SNTG1: variants seen among roughly 807,000 people sequenced by gnomAD.
The protein encoded by SNTG1 is gamma-1-syntrophin.
In SNTG1, 39 loss-of-function variants were observed where a neutral mutation model predicts 74.7. That is an observed-to-expected ratio of 0.52 (90% CI 0.40 to 0.68). The LOEUF (loss-of-function observed/expected upper bound fraction) is 0.68. Ranked by LOEUF, SNTG1 falls within the 30% of genes least tolerant of loss-of-function variation. The pLI, the probability that SNTG1 is intolerant of heterozygous loss-of-function variation, is 0.00. For synonymous variants in SNTG1, 254 were observed against 217.1 expected, an observed-to-expected ratio of 1.17 and a Z score of -1.49; for missense variants, 685 against 609.5, an observed-to-expected ratio of 1.12 and a Z score of -1.30.
At chr8:50,544,774 C>T (rs1202745882) in intron 11 of SNTG1, among the ~76,000 whole-genome samples, 1 of 152,030 alleles carries the variant, frequency 6.6e-6, no homozygotes, top group Non-Finnish European at 1.5e-5. Context: ...ATTGTTTACT[C>T]ATTCACTCAA....
chr8:50,464,195 C>A (rs1456859676), intron 8 of SNTG1, among the ~76,000 whole-genome samples: 1 of 152,166 alleles, frequency 6.6e-6, no homozygotes, highest in Non-Finnish European at 1.5e-5. Flanking sequence ...CAGCAATAAG[C>A]TTGTCTCACT....
chr8:50,017,707 T>C (rs1816458603), intron 1 of SNTG1, among the ~76,000 whole-genome samples: 1 of 151,914 alleles, frequency 6.6e-6, no homozygotes, highest in South Asian at 2.1e-4. Context: ...AAATGGAAGA[T>C]ATATGATTAT....
chr8:50,137,926 G>T (rs896960390), intron 1 of SNTG1, among the ~76,000 whole-genome samples: 2 of 152,146 alleles, frequency 1.3e-5, no homozygotes, highest in Admixed American at 6.6e-5. Context: ...TAGCATGTCA[G>T]CCATGCCTCA....
At chr8:50,596,989 T>C (rs971283899) in intron 13 of SNTG1, among the ~76,000 whole-genome samples, 38 of 152,068 alleles carry the variant, frequency 2.5e-4, no homozygotes, top group Middle Eastern at 3.4e-3. Context: ...TACCCTACTG[T>C]GTAATAGAAC....
intron 15 of SNTG1, among the ~76,000 whole-genome samples, chr8:50,672,532 GTTTGT>G (rs981202849): frequency 1.1e-3 from 19 of 17,408 alleles, no homozygotes; most frequent in East Asian, 0.2. Context: ...TGATGGGGTT[GTTTGT>G]TTTTTTTCTT....
intron 2 of SNTG1, among the ~76,000 whole-genome samples, chr8:50,278,863 G>C (rs575523784): frequency 6.6e-6 from 1 of 152,012 alleles, no homozygotes; most frequent in Admixed American, 6.6e-5. Flanking sequence ...GTCTAAGAGA[G>C]CAGTTTACAG....
chr8:49,939,277 A>G (rs1214934183), intron 1 of SNTG1, among the ~76,000 whole-genome samples: 1 of 152,216 alleles, frequency 6.6e-6, no homozygotes, highest in Non-Finnish European at 1.5e-5. Context: ...TTGTATCTGT[A>G]TTACTACTAG....
At chr8:50,030,632 C>T (rs561968846) in intron 1 of SNTG1, among the ~76,000 whole-genome samples, 13 of 152,040 alleles carry the variant, frequency 8.6e-5, no homozygotes, top group Admixed American at 6.5e-4. Context: ...TGTTTTTCCT[C>T]TCTTGCTAGG....
At chr8:50,624,718 A>G (rs1229442554) in intron 13 of SNTG1, among the ~76,000 whole-genome samples, 2 of 152,158 alleles carry the variant, frequency 1.3e-5, no homozygotes, top group Non-Finnish European at 2.9e-5. Flanking sequence ...AGTTTACAGT[A>G]CTTAGTTCAT....
At chr8:50,380,063 C>T (rs79166350) in intron 2 of SNTG1, among the ~76,000 whole-genome samples, 7,193 of 152,250 alleles carry the variant, frequency 0.047, 225 homozygotes, top group Middle Eastern at 0.1. Context: ...CACCTCGGGA[C>T]GTTTACGTTT....
At chr8:50,706,508 C>G (rs1241097192) in intron 16 of SNTG1, among the ~76,000 whole-genome samples, 1 of 152,056 alleles carries the variant, frequency 6.6e-6, no homozygotes, top group Non-Finnish European at 1.5e-5. Context: ...TATTTTAAGT[C>G]TCCTGATATT....
intron 1 of SNTG1, among the ~76,000 whole-genome samples, chr8:49,922,593 G>A (rs1350559357): frequency 6.6e-6 from 1 of 152,028 alleles, no homozygotes. Context: ...GAGGGACAAA[G>A]GAGATGATCC....
At chr8:50,450,324 C>T (rs1366517607) in intron 6 of SNTG1, among the ~76,000 whole-genome samples, 1 of 152,136 alleles carries the variant, frequency 6.6e-6, no homozygotes, top group African/African-American at 2.4e-5. Flanking sequence ...TTTTTAGCAA[C>T]TGTTAGGTCT....
intron 2 of SNTG1, among the ~76,000 whole-genome samples, chr8:50,203,169 G>A (rs970437923): frequency 2.6e-5 from 4 of 151,862 alleles, no homozygotes; most frequent in African/African-American, 7.3e-5. Context: ...TCTTTGCCAC[G>A]TCTAGGATTC....
At chr8:50,495,830 C>T (rs913223386) in intron 8 of SNTG1, among the ~76,000 whole-genome samples, 1 of 152,098 alleles carries the variant, frequency 6.6e-6, no homozygotes, top group Non-Finnish European at 1.5e-5. Flanking sequence ...CAGAAGACTC[C>T]TCTGGAAACA....
At chr8:50,237,345 A>G (rs2132107395) in intron 2 of SNTG1, among the ~76,000 whole-genome samples, 1 of 152,244 alleles carries the variant, frequency 6.6e-6, no homozygotes, top group South Asian at 2.1e-4. Flanking sequence ...TGGCAAGAAT[A>G]CTTTATTGGT....
At chr8:50,484,162 T>TTCCG (rs1368783661) in intron 8 of SNTG1, among the ~76,000 whole-genome samples, 6 of 74,644 alleles carry the variant, frequency 8.0e-5, no homozygotes, top group Non-Finnish European at 1.2e-4. Context: ...CCTTCCTTCC[T>TTCCG]TCCTTCCTTC....
intron 4 of SNTG1, among the ~76,000 whole-genome samples, chr8:50,429,406 G>A (rs1305376607): frequency 1.3e-5 from 2 of 152,140 alleles, no homozygotes; most frequent in East Asian, 3.9e-4. Flanking sequence ...TCAACAAATG[G>A]TTCTGGGACA....
At chr8:50,144,116 G>A (rs1235310883) in intron 1 of SNTG1, among the ~76,000 whole-genome samples, 4 of 152,110 alleles carry the variant, frequency 2.6e-5, no homozygotes, top group African/African-American at 9.7e-5. Flanking sequence ...CTTTAGCCTA[G>A]AAAATTTCAT....
Sources: gnomAD v4.1 joint callset for allele counts (sites outside exome capture counted in the v4.1 genomes callset) on GRCh38, gnomAD v4.1.1 for gene constraint, MANE v1.5 for transcripts, NCBI Gene and HGNC (gene_info 2026-07-23, HGNC 2026-07-21) for gene names.